KLHL29: variants seen among roughly 807,000 people sequenced by gnomAD.
KLHL29 encodes the protein kelch-like protein 29.
Under a neutral mutation model 80.4 loss-of-function variants are expected in KLHL29, and 21 were observed. That is an observed-to-expected ratio of 0.26 (90% CI 0.19 to 0.38). The LOEUF is 0.38. Among genes scored for constraint, KLHL29 ranks in the 10% least tolerant of loss-of-function variants. The pLI, the probability that KLHL29 is intolerant of heterozygous loss-of-function variation, is 1.00. For missense variants in KLHL29, 867 were observed against 1,223.9 expected (o/e 0.71, Z 4.35); for synonymous variants, 511 against 526.8 (o/e 0.97, Z 0.41).
rs138568950 is a variant in KLHL29 at position 23,568,524 on chromosome 2, G to A, written c.285+6043G>A. Among the ~76,000 whole-genome samples the A allele has an allele frequency of 8.0e-4, 122 of 152,300 alleles. 1 individual carries two copies. Among genetic ancestry groups the A allele is most frequent in the African/African-American group, 2.9e-3 (121 of 41,574 alleles). On this transcript the variant is annotated intron_variant, in intron 3 of 13. Transcript: ENST00000486442. ...TGGCCTGTCATCCTCCATCCAGCTA[G>A]CTCAGGCTTATTCACCTGGTGGTCT...
chr2:23,459,548 G>T (rs944780410), intron 1 of KLHL29, among the ~76,000 whole-genome samples: 1 of 152,206 alleles, frequency 6.6e-6, no homozygotes, highest in African/African-American at 2.4e-5. Context: ...GACCAATGAA[G>T]CAGGATTAAA....
intron 2 of KLHL29, among the ~76,000 whole-genome samples, chr2:23,542,165 C>T (rs1013070792): frequency 6.6e-6 from 1 of 152,176 alleles, no homozygotes; most frequent in East Asian, 1.9e-4. Flanking sequence ...TCTAAAATAG[C>T]CTCTCAGAAT....
chr2:23,590,814 G>A (rs370882665), intron 3 of KLHL29, among the ~76,000 whole-genome samples: 19 of 152,152 alleles, frequency 1.2e-4, no homozygotes, highest in African/African-American at 4.6e-4. Flanking sequence ...ATTCAGCAGC[G>A]ATGGCAGCCA....
chr2:23,667,537 C>T (rs571103884), intron 5 of KLHL29: 1 of 152,458 alleles, frequency 6.6e-6, no homozygotes, highest in African/African-American at 2.4e-5. Context: ...TCTCCCAAAA[C>T]TCAAAAGCAA....
chr2:23,573,445 C>T (rs910960027), intron 3 of KLHL29, among the ~76,000 whole-genome samples: 1 of 152,178 alleles, frequency 6.6e-6, no homozygotes, highest in Non-Finnish European at 1.5e-5. Flanking sequence ...GATCACTCAG[C>T]AGAGTGGGAT....
chr2:23,592,492 G>A (rs1441907802), intron 3 of KLHL29, among the ~76,000 whole-genome samples: 1 of 152,248 alleles, frequency 6.6e-6, no homozygotes, highest in Non-Finnish European at 1.5e-5. Flanking sequence ...TGCCCAGAGA[G>A]AGGCTCAGGG....
intron 1 of KLHL29, among the ~76,000 whole-genome samples, chr2:23,409,323 T>G (rs1226312687): frequency 6.6e-6 from 1 of 152,156 alleles, no homozygotes; most frequent in Non-Finnish European, 1.5e-5. Flanking sequence ...GATTAAGGCC[T>G]TCTATCAGTT....
chr2:23,461,976 ATT>A (rs10659814), intron 1 of KLHL29, among the ~76,000 whole-genome samples: 8 of 141,250 alleles, frequency 5.7e-5, no homozygotes, highest in Non-Finnish European at 9.0e-5. Context: ...GGTTTTTGCC[ATT>A]TTTTTTTTTT....
At chr2:23,449,148 G>A (rs183596081) in intron 1 of KLHL29, among the ~76,000 whole-genome samples, 2 of 152,206 alleles carry the variant, frequency 1.3e-5, no homozygotes, top group Middle Eastern at 3.4e-3. Context: ...GCTCATGCTT[G>A]GGGCTGGCTG....
intron 3 of KLHL29, among the ~76,000 whole-genome samples, chr2:23,594,774 T>G (rs1345192964): frequency 4.6e-5 from 7 of 152,210 alleles, no homozygotes; most frequent in African/African-American, 2.4e-5. Flanking sequence ...CTGCTCCCAT[T>G]CTACATCATC....
Position 23,514,466 on chromosome 2 carries a change from T to C in KLHL29, c.-46+38799T>C, listed in dbSNP as rs545501446. Among the ~76,000 whole-genome samples, 7 of 152,292 alleles carry C rather than the reference T, an allele frequency of 4.6e-5. No individual in the cohort carries two copies. In the South Asian group the frequency reaches 1.5e-3, roughly 32 times the overall value. Reference sequence around the variant, plus strand: ...CTTATGGTTTTCCTGGAAATTGCCTTGGTCTCTCCTGCACGTTTCTTCCTC... The same window carrying C: ...CTTATGGTTTTCCTGGAAATTGCCTCGGTCTCTCCTGCACGTTTCTTCCTC... On this transcript the variant is annotated intron_variant, in intron 2 of 13. Transcript: ENST00000486442.
At chr2:23,579,520 T>C (rs4665614) in intron 3 of KLHL29, among the ~76,000 whole-genome samples, 84,786 of 151,866 alleles carry the variant, frequency 0.56, 26,907 homozygotes, top group East Asian at 0.77. Context: ...TCCCTCGCCA[T>C]CCTCATTACT....
chr2:23,416,644 G>A (rs897593280), intron 1 of KLHL29, among the ~76,000 whole-genome samples: 7 of 152,216 alleles, frequency 4.6e-5, no homozygotes, highest in Admixed American at 6.5e-5. Context: ...ATGATTTACT[G>A]AAACTCTTCC....
intron 5 of KLHL29, among the ~76,000 whole-genome samples, chr2:23,655,334 A>G (rs1361069609): frequency 6.6e-6 from 1 of 152,220 alleles, no homozygotes; most frequent in Non-Finnish European, 1.5e-5. Context: ...CAAAGATGAT[A>G]CATCTTTGAA....
intron 1 of KLHL29, among the ~76,000 whole-genome samples, chr2:23,434,500 C>T (rs1415359004): frequency 2.0e-5 from 3 of 152,018 alleles, no homozygotes; most frequent in East Asian, 1.9e-4. Context: ...CTAATTAAAA[C>T]GTGAGGCAGT....
chr2:23,426,209 A>G (rs956901968), intron 1 of KLHL29, among the ~76,000 whole-genome samples: 6 of 152,280 alleles, frequency 3.9e-5, no homozygotes, highest in Middle Eastern at 3.4e-3. Context: ...AAACCATTCT[A>G]CTGTACTCAG....
intron 2 of KLHL29, among the ~76,000 whole-genome samples, chr2:23,560,765 GGGCACA>G (rs1469736156): frequency 6.6e-6 from 1 of 152,200 alleles, no homozygotes; most frequent in East Asian, 1.9e-4. Context: ...ATGGCCACCA[GGGCACA>G]GGCCAGCATG....
intron 1 of KLHL29, among the ~76,000 whole-genome samples, chr2:23,443,074 A>G (rs1051531409): frequency 6.6e-6 from 1 of 152,120 alleles, no homozygotes; most frequent in Non-Finnish European, 1.5e-5. Flanking sequence ...CCCAATTTTT[A>G]TTATGAAAAA....
In KLHL29 at chr2:23,684,207, C is replaced by A. The variant is rs1671173249; in HGVS notation, c.941-192C>A. Among the ~76,000 whole-genome samples, 1 of 152,070 alleles carries A rather than the reference C, an allele frequency of 6.6e-6. No homozygotes were observed. Among genetic ancestry groups the A allele is most frequent in the Non-Finnish European group, 1.5e-5 (1 of 68,020 alleles). The stretch of plus-strand genomic sequence containing the variant: ...GATTCCTTTGGTTATTAGCCCCTCC[C>A]AGTGGCTGCTTGTTTATGCATTATG... On this transcript the variant is annotated intron_variant, in intron 5 of 13. Transcript: ENST00000486442. This position sits in a 1 kb window ranked among gnomAD's most constrained non-coding sequence, Gnocchi z 4.4.
Sources: gnomAD v4.1 joint callset for allele counts (sites outside exome capture counted in the v4.1 genomes callset) on GRCh38, gnomAD v4.1.1 for gene constraint, Gnocchi (gnomAD v3.1) non-coding constraint, MANE v1.5 for transcripts, NCBI Gene and HGNC (gene_info 2026-07-23, HGNC 2026-07-21) for gene names.